The following DGKD variants were observed in gnomAD, a reference collection of about 807,000 sequenced individuals.
DGKD encodes the protein diacylglycerol kinase delta, also known as DAG kinase delta.
A neutral mutation model predicts 154.4 loss-of-function variants in DGKD; 68 were observed. The observed-to-expected ratio is 0.44, with a 90% CI of 0.36 to 0.54. The LOEUF (loss-of-function observed/expected upper bound fraction) is 0.54. DGKD is among the 20% of genes least tolerant of loss of function. The pLI, the probability that DGKD is intolerant of heterozygous loss-of-function variation, is 0.00. For synonymous variants in DGKD, 693 were observed against 638.0 expected, an observed-to-expected ratio of 1.09 and a Z score of -1.30; for missense variants, 1,343 against 1,593.6, an observed-to-expected ratio of 0.84 and a Z score of 2.68.
rs1481828657 is a variant in DGKD at position 233,412,116 on chromosome 2, A to G, written c.348+21633A>G. 2.0e-5 allele frequency among the ~76,000 whole-genome samples: 3 copies of G among 152,122 alleles called. No homozygotes were observed. In the South Asian group the frequency reaches 6.2e-4, roughly 32 times the overall value. On this transcript the variant is annotated intron_variant, in intron 3 of 29. Coordinates refer to ENST00000264057, the MANE Select transcript of DGKD (RefSeq NM_152879.3). ...ACTTAGCATTTTCATATAAATTTTA[A>G]TATTAGTTTGTCAATTTCTATAAGT...
intron 3 of DGKD, among the ~76,000 whole-genome samples, chr2:233,412,640 G>A (rs1208951409): frequency 6.6e-6 from 1 of 152,206 alleles, no homozygotes; most frequent in African/African-American, 2.4e-5. Flanking sequence ...TTGAATAGGA[G>A]TAGCGAAGGC....
intron 3 of DGKD, among the ~76,000 whole-genome samples, chr2:233,433,716 C>A (rs2062603914): frequency 1.3e-5 from 2 of 151,606 alleles, no homozygotes; most frequent in South Asian, 2.1e-4. Flanking sequence ...CATGTACCCA[C>A]AAAAAAAATT....
chr2:233,411,395 T>C (rs983027520), intron 3 of DGKD, among the ~76,000 whole-genome samples: 3 of 152,240 alleles, frequency 2.0e-5, no homozygotes, highest in Non-Finnish European at 2.9e-5. Context: ...CTAATAGTTA[T>C]GTAGTGTTAC....
intron 3 of DGKD, among the ~76,000 whole-genome samples, chr2:233,398,640 T>A (rs560742576): frequency 1.2e-4 from 18 of 152,222 alleles, no homozygotes; most frequent in Middle Eastern, 3.4e-3. Context: ...TTGTTTGCTT[T>A]TTTTGAGACA....
chr2:233,429,274 A>C (rs2062426268), intron 3 of DGKD: 1 of 985,246 alleles, frequency 1.0e-6, no homozygotes. Context: ...CATGACTCCT[A>C]ATATAATCCC....
intron 3 of DGKD, among the ~76,000 whole-genome samples, chr2:233,409,787 GTTTT>G (rs3075533): frequency 0.43 from 25,972 of 60,028 alleles, 5,247 homozygotes; most frequent in Middle Eastern, 0.49. Flanking sequence ...CCCCCATACC[GTTTT>G]TTTTTTTTTT....
chr2:233,408,299 C>T (rs1218890596), intron 3 of DGKD, among the ~76,000 whole-genome samples: 2 of 152,244 alleles, frequency 1.3e-5, no homozygotes, highest in African/African-American at 4.8e-5. Flanking sequence ...ATCTCGGCCT[C>T]ATGGGATTAC....
intron 24 of DGKD, 30 bp from the exon 25 acceptor site, chr2:233,462,318 A>T (rs779483746): frequency 6.4e-7 from 1 of 1,564,930 alleles, no homozygotes; most frequent in East Asian, 2.3e-5. Flanking sequence ...ATTTGGCCTG[A>T]CATCTGCCCG....
chr2:233,405,529 AAAG>A (rs1309515877), intron 3 of DGKD, among the ~76,000 whole-genome samples: 13 of 151,988 alleles, frequency 8.6e-5, no homozygotes, highest in African/African-American at 3.1e-4. Flanking sequence ...AAAAAAAAAA[AAAG>A]AAAGAAAAAA....
At chr2:233,408,302 G>C (rs10193542) in intron 3 of DGKD, among the ~76,000 whole-genome samples, 13,489 of 152,238 alleles carry the variant, frequency 0.089, 685 homozygotes, top group African/African-American at 0.14. Context: ...TCGGCCTCAT[G>C]GGATTACAGG....
At chr2:233,437,214 G>A (rs796146952) in intron 7 of DGKD, among the ~76,000 whole-genome samples, 163 bp from the exon 8 acceptor site, 2 of 152,302 alleles carry the variant, frequency 1.3e-5, no homozygotes, top group African/African-American at 4.8e-5. Context: ...CAGGGCCCCC[G>A]ATGATAGCAG....
At chr2:233,412,958 T>C (rs924903228) in intron 3 of DGKD, among the ~76,000 whole-genome samples, 2 of 152,236 alleles carry the variant, frequency 1.3e-5, no homozygotes, top group Non-Finnish European at 2.9e-5. Context: ...AATATGTTTT[T>C]TATTTATTGT....
chr2:233,380,705 C>T (rs1702851265), intron 1 of DGKD, among the ~76,000 whole-genome samples: 1 of 152,114 alleles, frequency 6.6e-6, no homozygotes, highest in South Asian at 2.1e-4. Flanking sequence ...CCACATACCG[C>T]AGCATACCGC....
At chr2:233,388,427 A>T in intron 2 of DGKD, 60 bp downstream of exon 2, 1 of 1,513,470 alleles carries the variant, frequency 6.6e-7, no homozygotes, top group South Asian at 1.3e-5. Context: ...CCAGGGGAGG[A>T]ACTGGGGGTG....
At chr2:233,465,174 AG>A (rs2124959439) in intron 27 of DGKD, among the ~76,000 whole-genome samples, 1 of 152,366 alleles carries the variant, frequency 6.6e-6, no homozygotes, top group Non-Finnish European at 1.5e-5. Flanking sequence ...ATAAAAGGAC[AG>A]GGCAAGCTCC....
rs2062418545 is a variant in DGKD at position 233,429,101 on chromosome 2, C to T, written c.349-5279C>T. The T allele has an allele frequency of 5.1e-6, 5 of 985,038 alleles. No individual in the cohort carries two copies. The South Asian group carries it at 2.3e-4, about 46-fold the overall frequency. 61.0% of individuals were successfully genotyped at this position (985,038 alleles called of 1,614,324 possible). A position where few individuals can be genotyped will look rare whatever the true frequency, so the allele number is the denominator to read the frequency against. Reference sequence around the variant, plus strand: ...CCACAAAGCAATTCTAGTACACCCTCTCCTTCAGTGTGTGGGTCAGGTGGG... The same window carrying T: ...CCACAAAGCAATTCTAGTACACCCTTTCCTTCAGTGTGTGGGTCAGGTGGG... On this transcript the variant is annotated intron_variant, in intron 3 of 29. Transcript: ENST00000264057.
At chr2:233,387,273 C>T (rs1436676124) in intron 1 of DGKD, among the ~76,000 whole-genome samples, 2 of 152,186 alleles carry the variant, frequency 1.3e-5, no homozygotes, top group African/African-American at 4.8e-5. Flanking sequence ...GCAAAAGCTT[C>T]TCTGAACCAA....
intron 3 of DGKD, among the ~76,000 whole-genome samples, chr2:233,417,069 G>C (rs983454601): frequency 1.3e-5 from 2 of 152,114 alleles, no homozygotes; most frequent in African/African-American, 4.8e-5. Context: ...GTCTTGCTCT[G>C]TCATCCAGGC....
chr2:233,410,588 C>G (rs1231107701), intron 3 of DGKD, among the ~76,000 whole-genome samples: 1 of 152,190 alleles, frequency 6.6e-6, no homozygotes, highest in African/African-American at 2.4e-5. Context: ...TTAGCACTCA[C>G]TTTGACTTGC....
Sources: gnomAD v4.1 joint callset for allele counts (sites outside exome capture counted in the v4.1 genomes callset) on GRCh38, gnomAD v4.1.1 for gene constraint, MANE v1.5 for transcripts, NCBI Gene and HGNC (gene_info 2026-07-23, HGNC 2026-07-21) for gene names.